Variants in THAP6 observed in about 807,000 individuals in gnomAD.
THAP6 encodes the protein THAP domain-containing protein 6.
THAP6 carries 13 observed loss-of-function variants against 20.0 expected under a neutral mutation model. The ratio of observed to expected loss-of-function variants is 0.65; its 90% CI spans 0.42 to 1.03. THAP6 has a LOEUF of 1.03. Ranked by LOEUF, THAP6 falls within the 50% of genes least tolerant of loss-of-function variation. The pLI is 0.00. For missense variants in THAP6, 262 were observed against 261.6 expected (o/e 1.00, Z -0.01); for synonymous variants, 93 against 92.2 (o/e 1.01, Z -0.05).
intron 2 of THAP6, among the ~76,000 whole-genome samples, chr4:75,538,681 A>G (rs1726932066): frequency 6.6e-6 from 1 of 152,134 alleles, no homozygotes; most frequent in South Asian, 2.1e-4. Context: ...TGCTGCCTCA[A>G]ACTTCATTTA....
chr4:75,517,016 CT>C (rs34218401), intron 3 of THAP6, 37 bp downstream of exon 3: 124,934 of 885,014 alleles, frequency 0.14, no homozygotes, highest in South Asian at 0.17. Context: ...TCATTGCTCA[CT>C]TTTTTTTTTT....
intron 3 of THAP6, chr4:75,542,715 CTTTTG>C (rs965779542): frequency 4.2e-5 from 16 of 383,176 alleles, no homozygotes; most frequent in South Asian, 1.7e-4. Flanking sequence ...GAGCCAGAGA[CTTTTG>C]TTTTGTTTTG....
At position 75,527,372 on chromosome 4, in the gene THAP6, A is replaced by G; in HGVS notation, c.*158A>G. ...TTGTTATCCAAAGACTTTTTTGAAA[A>G]TATGCAGAAATTTGTGGTAATTATG... On this transcript the variant is annotated 3_prime_UTR_variant, in exon 5 of 5. Transcript: ENST00000311638. 3 of 1,424,846 alleles carry G rather than the reference A, an allele frequency of 2.1e-6. No homozygotes were observed. Among genetic ancestry groups the G allele is most frequent in the Non-Finnish European group, 2.7e-6 (3 of 1,092,150 alleles). The allele number at this position is 1,424,846 out of a possible 1,614,324, so 88.3% of individuals were successfully genotyped here. A position where few individuals can be genotyped will look rare whatever the true frequency, so the allele number is the denominator to read the frequency against.
rs554988652 is a variant in THAP6 at position 75,529,776 on chromosome 4, A to C, written c.*2562A>C. 3.1e-5 allele frequency: 31 copies of C among 985,392 alleles called. No homozygotes were observed. In the East Asian group the frequency reaches 3.1e-3, roughly 97 times the overall value. 61.0% of individuals were successfully genotyped at this position (985,392 alleles called of 1,614,324 possible). A position where few individuals can be genotyped will look rare whatever the true frequency, so the allele number is the denominator to read the frequency against. ...AGGAACACATTAATACAACAGTTCA[A>C]CCTCAGCACCAAGTCAGGTACGAAG... On this transcript the variant is annotated 3_prime_UTR_variant, in exon 5 of 5. Transcript: ENST00000311638.
Position 75,516,889 on chromosome 4 carries a change from T to C in THAP6, c.198T>C (p.Phe66=). The change falls in exon 3 of 5, where the codon TTT becomes TTC. Residue 66 remains phenylalanine (F), a synonymous_variant. Transcript: ENST00000311638. ...GAGATGTGTTGTGTTCGAGGCACTT[T>C]AAGAAGACAGATTTTGACAGAAGTG... The part of the protein sequence containing the change: ...KKGDVLCSRH[F]KKTDFDRSAP... 2 of 1,614,154 alleles carry C rather than the reference T, an allele frequency of 1.2e-6. No individual in the cohort carries two copies. The highest frequency in any genetic ancestry group is 8.5e-7 in the Non-Finnish European group (1 of 1,180,020).
intron 2 of THAP6, among the ~76,000 whole-genome samples, chr4:75,541,911 T>C (rs551983721): frequency 6.6e-6 from 1 of 150,678 alleles, no homozygotes; most frequent in South Asian, 2.1e-4. Context: ...GAGCCAAGAT[T>C]GCACCACTGT....
At chr4:75,520,028 G>C (rs921735455) in intron 3 of THAP6, among the ~76,000 whole-genome samples, 7 of 151,842 alleles carry the variant, frequency 4.6e-5, no homozygotes, top group Admixed American at 4.6e-4. Context: ...ATTCTAACTG[G>C]TGTGAGATGG....
intron 3 of THAP6, chr4:75,542,843 G>A (rs1408146320): frequency 5.6e-6 from 1 of 177,864 alleles, no homozygotes; most frequent in East Asian, 1.5e-4. Flanking sequence ...ACTCCATTTG[G>A]AAGCTCCAGT....
At chr4:75,514,551 C>T in intron 1 of THAP6, 31 bp downstream of exon 1, 1 of 370,080 alleles carries the variant, frequency 2.7e-6, no homozygotes, top group Non-Finnish European at 4.9e-6. Flanking sequence ...TGTTTTCCCC[C>T]AATCGCTACC....
At chr4:75,536,732 T>G (rs1239978752) in intron 2 of THAP6, among the ~76,000 whole-genome samples, 2 of 152,132 alleles carry the variant, frequency 1.3e-5, no homozygotes, top group East Asian at 1.9e-4. Context: ...GGTCTTGAAC[T>G]CCTGGGCTCA....
At chr4:75,521,126 G>T in intron 3 of THAP6, among the ~76,000 whole-genome samples, 1 of 128,846 alleles carries the variant, frequency 7.8e-6, no homozygotes, top group African/African-American at 2.9e-5. Context: ...TTACGGCATG[G>T]GTTTATTTTT....
At position 75,528,532 on chromosome 4, in the gene THAP6, G is replaced by A; in HGVS notation, c.*1318G>A. ...TGCATTTTGTGCTCAGTTGTTTATT[G>A]TAATTTTATTTTTGTTACATTAATA... On this transcript the variant is annotated 3_prime_UTR_variant, in exon 5 of 5. Coordinates refer to ENST00000311638, the MANE Select transcript of THAP6 (RefSeq NM_144721.6). The A allele has an allele frequency of 1.0e-6, 1 of 984,020 alleles. No homozygotes were observed. 61.0% of individuals were successfully genotyped at this position (984,020 alleles called of 1,614,324 possible). A position where few individuals can be genotyped will look rare whatever the true frequency, so the allele number is the denominator to read the frequency against.
At chr4:75,530,671 C>T (rs1415263205), downstream of THAP6, among the ~76,000 whole-genome samples, 2 of 152,134 alleles carry the variant, frequency 1.3e-5, no homozygotes, top group African/African-American at 2.4e-5. Context: ...TATATGTATA[C>T]TGTGGTTTTT....
At chr4:75,521,548 G>A (rs1218979359) in intron 3 of THAP6, among the ~76,000 whole-genome samples, 188 bp from the exon 4 acceptor site, 3 of 151,982 alleles carry the variant, frequency 2.0e-5, no homozygotes, top group African/African-American at 7.2e-5. Context: ...TGTGTTTTCA[G>A]ATAACCTTAG....
At chr4:75,517,083 A>G in intron 3 of THAP6, 104 bp downstream of exon 3, 1 of 804,538 alleles carries the variant, frequency 1.2e-6, no homozygotes, top group Non-Finnish European at 1.9e-6. Context: ...CAGTGGCGCG[A>G]TCTCAGCTCA....
At chr4:75,534,417 T>G (rs1472426823), downstream of THAP6, among the ~76,000 whole-genome samples, 1 of 152,180 alleles carries the variant, frequency 6.6e-6, no homozygotes, top group Non-Finnish European at 1.5e-5. Context: ...TAATTCAAGA[T>G]GGATTAAAGA....
chr4:75,515,419 T>C lies in THAP6; in HGVS notation c.-20-14T>C. ...TTCCGGTTACTAACTCTTAACATTC[T>C]AATTTTCTTTCAGTTTTGTTATGAG... is the stretch of plus-strand genomic sequence containing the variant. On this transcript the variant is annotated splice_polypyrimidine_tract_variant and intron_variant, in intron 1 of 4. Transcript: ENST00000311638. The C allele has an allele frequency of 6.2e-7, 1 of 1,606,742 alleles. No individual in the cohort carries two copies. The highest frequency in any genetic ancestry group is 8.5e-7 in the Non-Finnish European group (1 of 1,173,474).
At chr4:75,525,402 A>G (rs954120992) in intron 4 of THAP6, among the ~76,000 whole-genome samples, 24 of 152,168 alleles carry the variant, frequency 1.6e-4, no homozygotes, top group African/African-American at 3.9e-4. Flanking sequence ...TTCTTCTTCA[A>G]AAAATACACT....
chr4:75,541,243 A>G (rs1193823824), intron 2 of THAP6, among the ~76,000 whole-genome samples: 1 of 152,212 alleles, frequency 6.6e-6, no homozygotes, highest in Non-Finnish European at 1.5e-5. Context: ...ATACCCATCA[A>G]GCAGTAAATG....
Sources: allele counts gnomAD v4.1 joint callset (sites outside exome capture counted in the v4.1 genomes callset), GRCh38; gene constraint gnomAD v4.1.1; transcripts MANE v1.5; gene names NCBI Gene and HGNC (gene_info 2026-07-23, HGNC 2026-07-21).